Variants in VSNL1 observed in about 807,000 individuals in gnomAD.
The protein encoded by VSNL1 is visinin-like protein 1.
VSNL1 carries 6 observed loss-of-function variants against 20.4 expected under a neutral mutation model. The ratio of observed to expected loss-of-function variants is 0.29; its 90% confidence interval spans 0.16 to 0.58. VSNL1 has a LOEUF of 0.58. Among genes scored for constraint, VSNL1 ranks in the 20% least tolerant of loss-of-function variants. The probability of loss-of-function intolerance (pLI) is 0.90; values close to 1 mark genes in which losing one functional copy is unlikely to be tolerated. For synonymous variants in VSNL1, 93 were observed against 86.4 expected (o/e 1.08, Z -0.42); for missense variants, 100 against 234.5 (o/e 0.43, Z 3.75).
At chr2:17,585,097 C>T (rs1664438394) in intron 1 of VSNL1, among the ~76,000 whole-genome samples, 1 of 152,168 alleles carries the variant, frequency 6.6e-6, no homozygotes, top group African/African-American at 2.4e-5. Flanking sequence ...CCCAGGGATT[C>T]AGTCTGTGCC....
chr2:17,570,635 A>G (rs1212681118), intron 1 of VSNL1, among the ~76,000 whole-genome samples: 2 of 152,244 alleles, frequency 1.3e-5, no homozygotes, highest in African/African-American at 2.4e-5. Flanking sequence ...CAGCCACTGC[A>G]TTAGGTTTAT....
rs539672628 is a variant in VSNL1, at chr2:17,599,852, C to T, written c.162+7616C>T. 2.6e-5 allele frequency among the ~76,000 whole-genome samples: 4 copies of T among 152,326 alleles called. No individual in the cohort carries two copies. In the South Asian group the frequency reaches 8.3e-4, roughly 32 times the overall value. ...GCCTTCTTGCCACCTTTTCATGCTT[C>T]CTGTGTCCTGGGAGTCACATTCAGG... On this transcript the variant is annotated intron_variant, in intron 2 of 3. Transcript: ENST00000295156.
At chr2:17,566,131 A>G (rs867770930) in intron 1 of VSNL1, among the ~76,000 whole-genome samples, 1 of 152,202 alleles carries the variant, frequency 6.6e-6, no homozygotes, top group Admixed American at 6.5e-5. Flanking sequence ...GCAGTATTTC[A>G]TCATGCAACT....
chr2:17,632,514 T>G (rs544694315), intron 2 of VSNL1, among the ~76,000 whole-genome samples: 2 of 152,198 alleles, frequency 1.3e-5, no homozygotes, highest in African/African-American at 4.8e-5. Context: ...TTGGTTAGGC[T>G]GGTTTCGAAC....
At chr2:17,647,088 C>G (rs1239673941) in intron 2 of VSNL1, among the ~76,000 whole-genome samples, 1 of 152,198 alleles carries the variant, frequency 6.6e-6, no homozygotes, top group Non-Finnish European at 1.5e-5. Flanking sequence ...TTCTGCAAGA[C>G]ACATGTAACT....
chr2:17,611,092 G>A (rs62132150), intron 2 of VSNL1, among the ~76,000 whole-genome samples: 8,239 of 152,266 alleles, frequency 0.054, 259 homozygotes, highest in East Asian at 0.092. Context: ...AAAAACAAGA[G>A]CAATAATTAC....
chr2:17,625,110 G>A lies in VSNL1; in HGVS notation c.163-24300G>A, dbSNP rs180767032. Among the ~76,000 whole-genome samples, 91 of 152,258 alleles carry A rather than the reference G, an allele frequency of 6.0e-4. 2 individuals are homozygous for A. Among genetic ancestry groups the A allele is most frequent in the Admixed American group, 6.0e-3 (91 of 15,290 alleles). On this transcript the variant is annotated intron_variant, in intron 2 of 3. Coordinates refer to ENST00000295156, the MANE Select transcript of VSNL1 (RefSeq NM_003385.5). ...TCTGATGGTTTTATCAGGGGTTTCC[G>A]CTTTTGCATCTTCCTCATTCTCTCT...
At chr2:17,631,876 G>T (rs922456808) in intron 2 of VSNL1, among the ~76,000 whole-genome samples, 1 of 152,164 alleles carries the variant, frequency 6.6e-6, no homozygotes, top group African/African-American at 2.4e-5. Flanking sequence ...TGAAGGTAAG[G>T]TTTGTTGTTG....
At chr2:17,582,191 G>A (rs1401604010) in intron 1 of VSNL1, among the ~76,000 whole-genome samples, 1 of 152,110 alleles carries the variant, frequency 6.6e-6, no homozygotes, top group East Asian at 1.9e-4. Flanking sequence ...GTGAGAACAT[G>A]GGGAGAGAGG....
chr2:17,605,314 G>C (rs1213252917), intron 2 of VSNL1, among the ~76,000 whole-genome samples: 1 of 152,286 alleles, frequency 6.6e-6, no homozygotes, highest in Non-Finnish European at 1.5e-5. Flanking sequence ...TATGGAAACT[G>C]TCTTGGCCTC....
intron 2 of VSNL1, among the ~76,000 whole-genome samples, chr2:17,632,403 T>C (rs2555092): frequency 0.76 from 115,895 of 152,046 alleles, 45,751 homozygotes; most frequent in Middle Eastern, 0.91. Flanking sequence ...CGGGTTCAAG[T>C]GATTCTCCTG....
chr2:17,541,447 A>T (rs1663283002), intron 1 of VSNL1: 1 of 152,208 alleles, frequency 6.6e-6, no homozygotes, highest in South Asian at 2.1e-4. Flanking sequence ...GTCAGGCGCA[A>T]AATGAGCACA....
At chr2:17,552,586 C>T (rs1663570168) in intron 1 of VSNL1, among the ~76,000 whole-genome samples, 1 of 152,150 alleles carries the variant, frequency 6.6e-6, no homozygotes, top group African/African-American at 2.4e-5. Context: ...TCCTTCCTCT[C>T]TCTAATGGGT....
chr2:17,574,746 G>A (rs571876509), intron 1 of VSNL1, among the ~76,000 whole-genome samples: 66 of 152,168 alleles, frequency 4.3e-4, no homozygotes, highest in African/African-American at 1.3e-3. Flanking sequence ...GGAAGACTTC[G>A]TTATTTCATG....
At chr2:17,622,512 A>G (rs1665387505) in intron 2 of VSNL1, among the ~76,000 whole-genome samples, 1 of 103,974 alleles carries the variant, frequency 9.6e-6, no homozygotes, top group Admixed American at 9.8e-5. Flanking sequence ...AAAAAAAAGA[A>G]AGAAAGAAAA....
intron 2 of VSNL1, among the ~76,000 whole-genome samples, chr2:17,633,634 C>A (rs1041637960): frequency 3.3e-5 from 5 of 152,092 alleles, no homozygotes; most frequent in Admixed American, 6.6e-5. Flanking sequence ...GTGTTCCAGG[C>A]ACTAAGAATA....
At chr2:17,626,323 C>T (rs1204947075) in intron 2 of VSNL1, among the ~76,000 whole-genome samples, 1 of 152,130 alleles carries the variant, frequency 6.6e-6, no homozygotes, top group East Asian at 1.9e-4. Context: ...GTGTAGTACC[C>T]CTTGGGGCCT....
At chr2:17,584,089 G>A (rs1247103000) in intron 1 of VSNL1, among the ~76,000 whole-genome samples, 1 of 152,092 alleles carries the variant, frequency 6.6e-6, no homozygotes, top group African/African-American at 2.4e-5. Flanking sequence ...GGGTTCCAGT[G>A]GGCTAAGTAA....
At chr2:17,628,133 G>C (rs553868023) in intron 2 of VSNL1, among the ~76,000 whole-genome samples, 1 of 152,342 alleles carries the variant, frequency 6.6e-6, no homozygotes, top group Admixed American at 6.5e-5. Flanking sequence ...ACAAATAAAA[G>C]GTTAAGAAGC....
Sources: gnomAD v4.1 joint callset for allele counts (sites outside exome capture counted in the v4.1 genomes callset) on GRCh38, gnomAD v4.1.1 for gene constraint, MANE v1.5 for transcripts, NCBI Gene and HGNC (gene_info 2026-07-23, HGNC 2026-07-21) for gene names.